The following CACNG2 variants were observed in gnomAD, a reference collection of about 807,000 sequenced individuals.
The protein encoded by CACNG2 is calcium voltage-gated channel auxiliary subunit gamma 2, also known as voltage-dependent calcium channel gamma-2 subunit.
Under a neutral mutation model 25.9 loss-of-function variants are expected in CACNG2, and 3 were observed. The observed-to-expected ratio is 0.12, with a 90% CI of 0.05 to 0.30. The LOEUF is 0.30. Among genes scored for constraint, CACNG2 ranks in the 10% least tolerant of loss-of-function variants. The pLI is 1.00. For missense variants in CACNG2, 341 were observed against 432.5 expected (o/e 0.79, Z 1.88); for synonymous variants, 167 against 173.3 (o/e 0.96, Z 0.29).
chr22:36,698,535 T>C (rs1937370469), intron 1 of CACNG2, among the ~76,000 whole-genome samples: 1 of 152,138 alleles, frequency 6.6e-6, no homozygotes, highest in South Asian at 2.1e-4. Context: ...CTGTATCACC[T>C]CGCAGGCCAT....
At chr22:36,698,764 C>T (rs1443253694) in intron 1 of CACNG2, among the ~76,000 whole-genome samples, 3 of 152,122 alleles carry the variant, frequency 2.0e-5, no homozygotes, top group Admixed American at 6.5e-5. Context: ...TAAGGCAAAA[C>T]GGACAGAGGG....
At chr22:36,594,897 GGT>G (rs931575328) in intron 1 of CACNG2, among the ~76,000 whole-genome samples, 7 of 142,808 alleles carry the variant, frequency 4.9e-5, no homozygotes, top group Admixed American at 2.1e-4. Context: ...TGTGTACATG[GGT>G]GTGTGTGTGC....
intron 1 of CACNG2, among the ~76,000 whole-genome samples, chr22:36,681,180 C>G (rs1178036873): frequency 6.6e-6 from 1 of 152,064 alleles, no homozygotes; most frequent in South Asian, 2.1e-4. Flanking sequence ...CATGGCTCTT[C>G]CCTTTTAGTT....
rs1271225975 is a variant in CACNG2, at chr22:36,645,495, C to T, written c.211+56871G>A. Among the ~76,000 whole-genome samples the T allele has an allele frequency of 4.0e-5, 6 of 149,536 alleles. No individual in the cohort carries two copies. The Admixed American group carries it at 4.0e-4, about 10-fold the overall frequency. ...GAGCTTGCAGTGAGCTGAGATCGCG[C>T]CACTGCACTCCAGCCTGGGCGACAG... On this transcript the variant is annotated intron_variant, in intron 1 of 3. Transcript: ENST00000300105.
chr22:36,622,280 T>C (rs750946231), intron 1 of CACNG2, among the ~76,000 whole-genome samples: 20 of 152,240 alleles, frequency 1.3e-4, no homozygotes, highest in Non-Finnish European at 2.1e-4. Context: ...TAGTGTGCCA[T>C]GGAATCTCCC....
chr22:36,658,389 A>G (rs1269371530), intron 1 of CACNG2, among the ~76,000 whole-genome samples: 37 of 152,220 alleles, frequency 2.4e-4, no homozygotes, highest in Non-Finnish European at 1.5e-5. Flanking sequence ...CAGGGAGGCC[A>G]TGGGGCCTGG....
chr22:36,596,608 T>G (rs1935682501), intron 1 of CACNG2, among the ~76,000 whole-genome samples: 1 of 152,150 alleles, frequency 6.6e-6, no homozygotes, highest in African/African-American at 2.4e-5. Flanking sequence ...AAGTGGTCTG[T>G]CCTGCCTGCC....
In CACNG2 at chr22:36,688,935, C is replaced by T. The variant is rs145321608; in HGVS notation, c.211+13431G>A. 1.4e-3 allele frequency among the ~76,000 whole-genome samples: 206 copies of T among 152,266 alleles called. 2 individuals are homozygous for T. The highest frequency in any genetic ancestry group is 4.6e-3 in the African/African-American group (193 of 41,536). ...GGGTGCTGCTCTAGACCAAGTGCTCCACTCTCTCCTTGACCTCATCCTTTT... is the reference window on the plus strand; with the variant it reads ...GGGTGCTGCTCTAGACCAAGTGCTCTACTCTCTCCTTGACCTCATCCTTTT... On this transcript the variant is annotated intron_variant, in intron 1 of 3. Transcript: ENST00000300105.
At chr22:36,645,689 T>A (rs1353239815) in intron 1 of CACNG2, among the ~76,000 whole-genome samples, 1 of 152,184 alleles carries the variant, frequency 6.6e-6, no homozygotes, top group African/African-American at 2.4e-5. Context: ...CTCTGCAAAT[T>A]GGCATTTATG....
At chr22:36,679,044 C>G (rs752863158) in intron 1 of CACNG2, among the ~76,000 whole-genome samples, 18 of 152,348 alleles carry the variant, frequency 1.2e-4, no homozygotes, top group Middle Eastern at 3.4e-3. Context: ...AACGTCACAG[C>G]TGGCTGTGCC....
intron 1 of CACNG2, among the ~76,000 whole-genome samples, chr22:36,610,666 A>G (rs1935925988): frequency 6.6e-6 from 1 of 152,182 alleles, no homozygotes; most frequent in Non-Finnish European, 1.5e-5. Flanking sequence ...GCAGATGAGA[A>G]AGCGGGGCCA....
At position 36,643,130 on chromosome 22, in the gene CACNG2, TTC is replaced by T. The variant is rs1228710861; in HGVS notation, c.212-55584_212-55583del. On this transcript the variant is annotated intron_variant, in intron 1 of 3. Transcript: ENST00000300105. Reference sequence around the variant, plus strand: ...TCTTTCCTTCCTTCTCTTTTTCTCTTTCTCTCTCTCTCCTTCTTTCCTTTTTC... The same window carrying T: ...TCTTTCCTTCCTTCTCTTTTTCTCTTTCTCTCTCTCCTTCTTTCCTTTTTC... 4.6e-5 allele frequency among the ~76,000 whole-genome samples: 7 copies of T among 150,778 alleles called. No individual in the cohort carries two copies. The South Asian group carries it at 1.1e-3, about 23-fold the overall frequency.
At position 36,603,852 on chromosome 22, in the gene CACNG2, G is replaced by C. The variant is rs79293685; in HGVS notation, c.212-16304C>G. On this transcript the variant is annotated intron_variant, in intron 1 of 3. Coordinates refer to ENST00000300105, the MANE Select transcript of CACNG2 (RefSeq NM_006078.5). Reference sequence around the variant, plus strand: ...GAGCTCTGATGGAGATGTATAAGGAGATGAATGTTGTTTTCATGCCTGCTA... The same window carrying C: ...GAGCTCTGATGGAGATGTATAAGGACATGAATGTTGTTTTCATGCCTGCTA... Among the ~76,000 whole-genome samples, 20 of 152,338 alleles carry C rather than the reference G, an allele frequency of 1.3e-4. No homozygotes were observed. In the East Asian group the frequency reaches 3.7e-3, roughly 28 times the overall value.
chr22:36,598,726 C>G lies in CACNG2; in HGVS notation c.212-11178G>C, dbSNP rs537123377. 2.0e-5 allele frequency among the ~76,000 whole-genome samples: 3 copies of G among 152,088 alleles called. No homozygotes were observed. The South Asian group carries it at 6.2e-4, about 32-fold the overall frequency. On this transcript the variant is annotated intron_variant, in intron 1 of 3. Coordinates refer to ENST00000300105, the MANE Select transcript of CACNG2 (RefSeq NM_006078.5). The stretch of plus-strand genomic sequence containing the variant: ...GAGCACGGTGGCTCACGCCTGTAAT[C>G]CCAGCACTTTGGGAGGCCAAGGTGG...
At chr22:36,629,843 T>A (rs554823025) in intron 1 of CACNG2, among the ~76,000 whole-genome samples, 1 of 152,172 alleles carries the variant, frequency 6.6e-6, no homozygotes, top group East Asian at 1.9e-4. Context: ...AGTGAGCAAG[T>A]AAACAAATGA....
At chr22:36,653,059 T>C (rs1448032584) in intron 1 of CACNG2, among the ~76,000 whole-genome samples, 1 of 152,172 alleles carries the variant, frequency 6.6e-6, no homozygotes, top group Non-Finnish European at 1.5e-5. Flanking sequence ...CAGTGGCTCA[T>C]GCCTGTAATC....
chr22:36,629,355 A>C (rs1195848351), intron 1 of CACNG2, among the ~76,000 whole-genome samples: 1 of 152,146 alleles, frequency 6.6e-6, no homozygotes, highest in Non-Finnish European at 1.5e-5. Context: ...ATGGAGATGC[A>C]GAGTGGAAGG....
intron 2 of CACNG2, among the ~76,000 whole-genome samples, chr22:36,583,529 G>A (rs549540264): frequency 4.3e-4 from 66 of 152,284 alleles, no homozygotes; most frequent in African/African-American, 1.3e-3. Flanking sequence ...TACATGGGTT[G>A]GAATCTGCTT....
chr22:36,685,040 G>C (rs978511224), intron 1 of CACNG2, among the ~76,000 whole-genome samples: 1 of 152,202 alleles, frequency 6.6e-6, no homozygotes, highest in Non-Finnish European at 1.5e-5. Flanking sequence ...TGTAATTTTA[G>C]CCTGGGCTCC....
Sources: gnomAD v4.1 joint callset for allele counts (sites outside exome capture counted in the v4.1 genomes callset) on GRCh38, gnomAD v4.1.1 for gene constraint, MANE v1.5 for transcripts, NCBI Gene and HGNC (gene_info 2026-07-23, HGNC 2026-07-21) for gene names.